Variants in USP37 observed in about 807,000 individuals in gnomAD.
The protein encoded by USP37 is ubiquitin specific peptidase 37.
USP37 carries 27 observed loss-of-function variants against 124.0 expected under a neutral mutation model. The observed-to-expected ratio is 0.22, with a 90% CI of 0.16 to 0.30. USP37 has a LOEUF of 0.30. USP37 is among the 10% of genes least tolerant of loss of function. The probability of loss-of-function intolerance (pLI) is 1.00; values close to 1 mark genes in which losing one functional copy is unlikely to be tolerated. For missense variants in USP37, 889 were observed against 1,140.4 expected, an observed-to-expected ratio of 0.78 and a Z score of 3.17; for synonymous variants, 365 against 388.0, an observed-to-expected ratio of 0.94 and a Z score of 0.70.
chr2:218,509,357 T>C (rs564467692), intron 11 of USP37, among the ~76,000 whole-genome samples: 15 of 152,310 alleles, frequency 9.8e-5, no homozygotes, highest in Non-Finnish European at 1.9e-4. Context: ...ATTTTTAATA[T>C]ATCTATCTCA....
At chr2:218,553,351 G>A (rs1188063387) in intron 5 of USP37, among the ~76,000 whole-genome samples, 5 of 152,142 alleles carry the variant, frequency 3.3e-5, no homozygotes, top group Non-Finnish European at 5.9e-5. Context: ...TGTGGTTTTC[G>A]TCCTTCATTT....
At chr2:218,475,551 A>T (rs1188490050) in intron 19 of USP37, among the ~76,000 whole-genome samples, 1 of 152,200 alleles carries the variant, frequency 6.6e-6, no homozygotes, top group African/African-American at 2.4e-5. Context: ...CCTGGCCAAC[A>T]TGGATAAACT....
At chr2:218,528,139 T>C (rs920341711) in intron 10 of USP37, 4 of 152,138 alleles carry the variant, frequency 2.6e-5, no homozygotes, top group African/African-American at 9.7e-5. Flanking sequence ...AAGGCAGAGG[T>C]TGCAGTCAGC....
At chr2:218,562,383 C>A (rs1156500579) in intron 2 of USP37, among the ~76,000 whole-genome samples, 1 of 152,190 alleles carries the variant, frequency 6.6e-6, no homozygotes, top group African/African-American at 2.4e-5. Flanking sequence ...TCCAGAGATT[C>A]TTTCTCTAAA....
chr2:218,459,884 T>C lies in USP37; in HGVS notation c.2549A>G (p.Asp850Gly), dbSNP rs1210721496. The C allele has an allele frequency of 6.2e-7, 1 of 1,613,514 alleles. No individual in the cohort carries two copies. The highest frequency in any genetic ancestry group is 1.1e-5 in the South Asian group (1 of 91,066). Reference protein sequence around the residue: ...SLQEFNNSFVDALGSDEDSGN... With the variant: ...SLQEFNNSFVGALGSDEDSGN... ...AGAGTCCTCATCAGAACCCAATGCA[T>C]CCACAAAGGAGTTGTTAAACTCTGA... The change falls in exon 23 of 26, where the codon GAT becomes GGT. Residue 850 changes from aspartate to glycine, a missense_variant. This residue lies in a region of USP37 where 504 missense variants were observed against 714.3 expected (regional missense o/e 0.71). Transcript: ENST00000258399.
intron 10 of USP37, among the ~76,000 whole-genome samples, chr2:218,518,625 T>C (rs1382100173): frequency 6.6e-6 from 1 of 152,240 alleles, no homozygotes; most frequent in African/African-American, 2.4e-5. Context: ...ATACACATTT[T>C]TATCATGTTG....
chr2:218,510,761 G>C (rs1689936806), intron 10 of USP37, among the ~76,000 whole-genome samples: 1 of 152,176 alleles, frequency 6.6e-6, no homozygotes. Context: ...GGGAGGCCAA[G>C]GTGGGCGGAT....
intron 1 of USP37, 60 bp from the exon 2 acceptor site, chr2:218,562,873 A>G (rs1179789448): frequency 2.5e-6 from 1 of 396,228 alleles, no homozygotes; most frequent in Non-Finnish European, 4.4e-6. Flanking sequence ...TAATACTTAA[A>G]AGAAAGTGGG....
chr2:218,556,503 G>GTTTTTTTTTTTTTT (rs34907421), intron 4 of USP37, among the ~76,000 whole-genome samples: 5 of 53,826 alleles, frequency 9.3e-5, no homozygotes, highest in Admixed American at 2.9e-4. Flanking sequence ...GGGTTTTTCT[G>GTTTTTTTTTTTTTT]TTTTTTTTTT....
intron 15 of USP37, 57 bp downstream of exon 15, chr2:218,488,247 T>A: frequency 9.7e-7 from 1 of 1,029,098 alleles, no homozygotes. Context: ...AATATTCAAA[T>A]ACAACTATCA....
chr2:218,515,569 C>T (rs909731496), intron 10 of USP37, among the ~76,000 whole-genome samples: 3 of 152,124 alleles, frequency 2.0e-5, no homozygotes, highest in African/African-American at 7.2e-5. Flanking sequence ...AACACTTAAA[C>T]GTAAAACCTA....
At chr2:218,481,669 T>A (rs1691274590) in intron 17 of USP37, among the ~76,000 whole-genome samples, 1 of 146,556 alleles carries the variant, frequency 6.8e-6, no homozygotes, top group African/African-American at 2.6e-5. Flanking sequence ...GTCTGATTTC[T>A]TTTCTTTTCT....
chr2:218,544,779 A>T (rs1692231261), intron 8 of USP37, among the ~76,000 whole-genome samples: 2 of 152,174 alleles, frequency 1.3e-5, no homozygotes, highest in East Asian at 3.9e-4. Flanking sequence ...TATAGACCCA[A>T]GACCCCTCCA....
chr2:218,554,134 TTC>T (rs1279568118), intron 4 of USP37, among the ~76,000 whole-genome samples: 1 of 152,230 alleles, frequency 6.6e-6, no homozygotes, highest in Non-Finnish European at 1.5e-5. Context: ...CCCCTTCATT[TTC>T]TGATGTTTTT....
chr2:218,543,502 A>C (rs1253874665), intron 8 of USP37, among the ~76,000 whole-genome samples: 2 of 3,724 alleles, frequency 5.4e-4, no homozygotes, highest in Non-Finnish European at 2.7e-3. Context: ...ACTCCGTCTC[A>C]AAAAAAAAAA....
At chr2:218,456,828 G>C (rs908189066) in intron 24 of USP37, among the ~76,000 whole-genome samples, 1 of 152,028 alleles carries the variant, frequency 6.6e-6, no homozygotes, top group African/African-American at 2.4e-5. Context: ...AAATTAGCTG[G>C]GCGTGGTGGT....
intron 1 of USP37, 111 bp downstream of exon 1, chr2:218,568,067 G>A (rs1377186916): frequency 6.6e-6 from 1 of 152,556 alleles, no homozygotes; most frequent in Non-Finnish European, 1.5e-5. Context: ...GGCGGGCTGA[G>A]TAGCAGCAGG....
intron 21 of USP37, among the ~76,000 whole-genome samples, chr2:218,464,915 T>C (rs1690227908): frequency 6.6e-6 from 1 of 152,028 alleles, no homozygotes; most frequent in Admixed American, 6.6e-5. Context: ...ACACTGTCTT[T>C]ACTAAAAATA....
intron 5 of USP37, 72 bp from the exon 6 acceptor site, chr2:218,549,981 T>G: frequency 8.8e-7 from 1 of 1,130,736 alleles, no homozygotes; most frequent in Non-Finnish European, 1.2e-6. Flanking sequence ...TTATCATTAT[T>G]ATTTTTATAT....
Sources: allele counts gnomAD v4.1 joint callset (sites outside exome capture counted in the v4.1 genomes callset), GRCh38; gene constraint gnomAD v4.1.1; regional missense constraint gnomAD v4.1.1; transcripts MANE v1.5; gene names NCBI Gene and HGNC (gene_info 2026-07-23, HGNC 2026-07-21).